PDE7B: variants seen among roughly 807,000 people sequenced by gnomAD.
PDE7B encodes the protein 3',5'-cyclic-AMP phosphodiesterase 7B.
PDE7B carries 29 observed loss-of-function variants against 56.2 expected under a neutral mutation model. The observed-to-expected ratio is 0.52, with a 90% confidence interval of 0.38 to 0.70. PDE7B has a LOEUF of 0.70. PDE7B is among the 30% of genes least tolerant of loss of function. PDE7B has a pLI of 0.00. For missense variants in PDE7B, 490 were observed against 565.0 expected, an observed-to-expected ratio of 0.87 and a Z score of 1.35; for synonymous variants, 197 against 196.9, an observed-to-expected ratio of 1.00 and a Z score of 0.00.
chr6:136,024,933 C>A (rs1776126164), intron 2 of PDE7B, among the ~76,000 whole-genome samples: 1 of 152,126 alleles, frequency 6.6e-6, no homozygotes, highest in South Asian at 2.1e-4. Flanking sequence ...ATTTCTATGA[C>A]CAATCTGTTT....
chr6:135,857,584 A>G (rs1195878902), intron 1 of PDE7B, among the ~76,000 whole-genome samples: 1 of 152,180 alleles, frequency 6.6e-6, no homozygotes, highest in Non-Finnish European at 1.5e-5. Flanking sequence ...TGAAGGTACC[A>G]AACGGTCAGT....
At chr6:135,986,154 CT>C (rs558358624) in intron 2 of PDE7B, among the ~76,000 whole-genome samples, 230 of 152,208 alleles carry the variant, frequency 1.5e-3, no homozygotes, top group African/African-American at 5.1e-3. Context: ...CAAAACTTGC[CT>C]TTTTTTGAGT....
intron 2 of PDE7B, among the ~76,000 whole-genome samples, chr6:136,000,944 A>AC (rs1238209546): frequency 6.6e-6 from 1 of 151,940 alleles, no homozygotes; most frequent in African/African-American, 2.4e-5. Flanking sequence ...ACTGGGAGGC[A>AC]CCCCCCAGTA....
At chr6:135,996,284 AT>A (rs1775562453) in intron 2 of PDE7B, among the ~76,000 whole-genome samples, 1 of 152,218 alleles carries the variant, frequency 6.6e-6, no homozygotes, top group African/African-American at 2.4e-5. Flanking sequence ...AGATTTCTAG[AT>A]TTGTTTATTC....
intron 8 of PDE7B, chr6:136,166,545 G>A (rs185016764): frequency 6.4e-4 from 98 of 153,202 alleles, no homozygotes; most frequent in African/African-American, 2.1e-3. Flanking sequence ...CACCTCACAC[G>A]GCTAGAGCAG....
intron 2 of PDE7B, among the ~76,000 whole-genome samples, chr6:136,005,786 A>C (rs902953549): frequency 7.2e-5 from 11 of 152,166 alleles, no homozygotes; most frequent in African/African-American, 9.7e-5. Context: ...CCATTGTGGA[A>C]GTCAGTGTGG....
intron 3 of PDE7B, among the ~76,000 whole-genome samples, chr6:136,121,290 G>A (rs1777929728): frequency 6.6e-6 from 1 of 152,146 alleles, no homozygotes; most frequent in Admixed American, 6.5e-5. Context: ...TAGGCAAGTA[G>A]AAGCCCAGTA....
At chr6:135,976,207 G>A (rs1314397645) in intron 2 of PDE7B, among the ~76,000 whole-genome samples, 1 of 152,076 alleles carries the variant, frequency 6.6e-6, no homozygotes, top group East Asian at 1.9e-4. Context: ...CTTATCAAAT[G>A]TTTCAGATGA....
At chr6:136,174,085 T>C (rs1335938227) in intron 9 of PDE7B, among the ~76,000 whole-genome samples, 197 bp downstream of exon 9, 1 of 152,136 alleles carries the variant, frequency 6.6e-6, no homozygotes, top group Non-Finnish European at 1.5e-5. Flanking sequence ...CTGTGTGCTT[T>C]GAAAGGGCCT....
At chr6:136,023,622 A>C (rs1382145657) in intron 2 of PDE7B, among the ~76,000 whole-genome samples, 2 of 152,190 alleles carry the variant, frequency 1.3e-5, no homozygotes, top group Non-Finnish European at 2.9e-5. Flanking sequence ...GAAAGTGAGG[A>C]AGAAAGCTAG....
At chr6:136,065,035 A>T (rs1776910484) in intron 2 of PDE7B, among the ~76,000 whole-genome samples, 1 of 152,244 alleles carries the variant, frequency 6.6e-6, no homozygotes, top group Admixed American at 6.5e-5. Flanking sequence ...ATGCATTTAT[A>T]TCTAATCATT....
intron 3 of PDE7B, among the ~76,000 whole-genome samples, chr6:136,136,295 A>T (rs1273821820): frequency 1.3e-5 from 2 of 152,150 alleles, no homozygotes; most frequent in Admixed American, 1.3e-4. Flanking sequence ...AGATGAGAGC[A>T]CACACATCAG....
intron 1 of PDE7B, among the ~76,000 whole-genome samples, chr6:135,892,834 T>C (rs1490473233): frequency 6.6e-6 from 1 of 152,194 alleles, no homozygotes; most frequent in Admixed American, 6.5e-5. Context: ...CTATGCCTTA[T>C]TTACAGTGTA....
chr6:136,183,409 C>T (rs1421674686), intron 11 of PDE7B, among the ~76,000 whole-genome samples: 15 of 151,772 alleles, frequency 9.9e-5, no homozygotes, highest in Non-Finnish European at 1.0e-4. Flanking sequence ...CCGGCTAACA[C>T]GGTGAAACCC....
At position 135,928,487 on chromosome 6, in the gene PDE7B, T is replaced by TTATATATATATTTA. The variant is rs1774235875; in HGVS notation, c.22-18966_22-18965insTTATATATATATAT. On this transcript the variant is annotated intron_variant, in intron 1 of 12. Transcript: ENST00000308191. The stretch of plus-strand genomic sequence containing the variant: ...TATTTATTTATATATATATATTTAT[T>TTATATATATATTTA]TATATATATATATTTATATATATAT... 1.4e-3 allele frequency among the ~76,000 whole-genome samples: 121 copies of TTATATATATATTTA among 85,484 alleles called. 1 individual carries two copies. Among genetic ancestry groups the TTATATATATATTTA allele is most frequent in the African/African-American group, 4.2e-3 (116 of 27,372 alleles). The allele number at this position is 85,484 out of a possible 152,430, so 56.1% of individuals were successfully genotyped here.
chr6:136,145,973 G>A (rs986264632), intron 3 of PDE7B, among the ~76,000 whole-genome samples: 1 of 152,168 alleles, frequency 6.6e-6, no homozygotes, highest in Admixed American at 6.5e-5. Context: ...TCTGATAGAT[G>A]TCTAAATACA....
At chr6:136,137,786 C>T (rs866651592) in intron 3 of PDE7B, among the ~76,000 whole-genome samples, 1 of 151,786 alleles carries the variant, frequency 6.6e-6, no homozygotes, top group Admixed American at 6.6e-5. Flanking sequence ...TTAAGCCAAC[C>T]CCAACTTGTA....
rs796699996 is a variant in PDE7B, at chr6:135,908,541, T to TA, written c.22-38915dup. On this transcript the variant is annotated intron_variant, in intron 1 of 12. Transcript: ENST00000308191. ...TATAAAAATATTTATAAGAATATGT[T>TA]AAAAAAAACAAAAATGAAACACTGG... Among the ~76,000 whole-genome samples, 27 of 151,788 alleles carry TA rather than the reference T, an allele frequency of 1.8e-4. No homozygotes were observed. In the East Asian group the frequency reaches 2.5e-3, roughly 14 times the overall value.
chr6:135,900,839 G>A (rs570734649), intron 1 of PDE7B, among the ~76,000 whole-genome samples: 6 of 151,356 alleles, frequency 4.0e-5, no homozygotes, highest in East Asian at 1.9e-4. Context: ...AGTGTTGATC[G>A]TGGCAGATTC....
Sources: allele counts gnomAD v4.1 joint callset (sites outside exome capture counted in the v4.1 genomes callset), GRCh38; gene constraint gnomAD v4.1.1; transcripts MANE v1.5; gene names NCBI Gene and HGNC (gene_info 2026-07-23, HGNC 2026-07-21).